RANBP2: variants seen among roughly 807,000 people sequenced by gnomAD.
RANBP2 encodes the protein RAN binding protein 2.
In RANBP2, 57 loss-of-function variants were observed where a neutral mutation model predicts 303.6. The observed-to-expected ratio is 0.19, with a 90% CI of 0.15 to 0.23. The LOEUF is 0.23. Among genes scored for constraint, RANBP2 ranks in the 10% least tolerant of loss-of-function variants. The pLI, the probability that RANBP2 is intolerant of heterozygous loss-of-function variation, is 1.00. For missense variants in RANBP2, 3,138 were observed against 3,780.8 expected, an observed-to-expected ratio of 0.83 and a Z score of 4.46; for synonymous variants, 1,167 against 1,301.5, an observed-to-expected ratio of 0.90 and a Z score of 2.23.
At chr2:109,489,980 T>C in the RANBP2 span, among the ~76,000 whole-genome samples, 4 of 152,314 alleles carry the variant, frequency 2.6e-5, no homozygotes, top group East Asian at 3.9e-4. Context: ...TCAAGTGATC[T>C]GCCCACCTTG....
chr2:109,541,735 G>A, the RANBP2 span, among the ~76,000 whole-genome samples: 3 of 152,198 alleles, frequency 2.0e-5, no homozygotes, highest in South Asian at 4.1e-4. Flanking sequence ...TGGATAAACT[G>A]CTCCAGTCCT....
chr2:109,649,431 T>C, the RANBP2 span, among the ~76,000 whole-genome samples: 1 of 152,112 alleles, frequency 6.6e-6, no homozygotes, highest in South Asian at 2.1e-4. Context: ...AGAGTCTCAC[T>C]CTGTCGCCCA....
rs146136785 is a variant in RANBP2, at chr2:108,764,939, C to G, written c.4400C>G (p.Pro1467Arg). ...TTTGGCCAGGGAGATCTTCCTAAAC[C>G]TATTAACAGTGATTTCAGATCTGTT... ...FKFGQGDLPK[P>R]INSDFRSVFS... The change falls in exon 20 of 29, where the codon CCT becomes CGT. Residue 1467 changes from proline (P) to arginine (R), a missense_variant. Pro to Arg is a moderately radical substitution (Grantham distance 103). Coordinates refer to ENST00000283195, the MANE Select transcript of RANBP2 (RefSeq NM_006267.5). The G allele has an allele frequency of 6.2e-7, 1 of 1,614,000 alleles. No homozygotes were observed. Among genetic ancestry groups the G allele is most frequent in the East Asian group, 2.2e-5 (1 of 44,876 alleles).
At chr2:109,564,208 G>C in the RANBP2 span, 1 of 594,754 alleles carries the variant, frequency 1.7e-6, no homozygotes, top group Non-Finnish European at 2.5e-6. Flanking sequence ...AAGGAGTCAA[G>C]TGATTCAAGA....
the RANBP2 span, among the ~76,000 whole-genome samples, chr2:109,069,585 C>G: frequency 6.6e-6 from 1 of 152,250 alleles, no homozygotes; most frequent in Non-Finnish European, 1.5e-5. Context: ...CCTGGCCAGC[C>G]ACCTGAGACA....
the RANBP2 span, among the ~76,000 whole-genome samples, chr2:109,417,578 C>A: frequency 3.9e-5 from 6 of 152,196 alleles, no homozygotes; most frequent in African/African-American, 9.6e-5. Flanking sequence ...AGCCTCTGGA[C>A]ACCTGGCTCT....
At chr2:108,988,829 G>A in the RANBP2 span, 2 of 152,196 alleles carry the variant, frequency 1.3e-5, no homozygotes, top group Admixed American at 6.5e-5. Context: ...AATCGGTAAA[G>A]CTTGTTCAAA....
chr2:109,706,274 C>T, the RANBP2 span, among the ~76,000 whole-genome samples: 2 of 152,194 alleles, frequency 1.3e-5, no homozygotes, highest in East Asian at 1.9e-4. Context: ...CACGCAGATG[C>T]GGAGCCAAAG....
At chr2:109,196,827 C>T in the RANBP2 span, among the ~76,000 whole-genome samples, 1 of 152,190 alleles carries the variant, frequency 6.6e-6, no homozygotes, top group Non-Finnish European at 1.5e-5. Context: ...CTTTGGGGCA[C>T]AACTCACAGG....
the RANBP2 span, among the ~76,000 whole-genome samples, chr2:109,247,365 GT>G: frequency 6.6e-6 from 1 of 152,178 alleles, no homozygotes; most frequent in Non-Finnish European, 1.5e-5. Context: ...TTCTAGATCA[GT>G]TTACTTCCTA....
At chr2:109,495,562 C>T in the RANBP2 span, among the ~76,000 whole-genome samples, 20 of 144,744 alleles carry the variant, frequency 1.4e-4, no homozygotes, top group Admixed American at 1.1e-3. Context: ...AATCTTGGCC[C>T]ACTGCAACCT....
chr2:109,128,437 G>C, the RANBP2 span: 5 of 152,204 alleles, frequency 3.3e-5, no homozygotes, highest in East Asian at 9.7e-4. Flanking sequence ...GCTGGTCGGC[G>C]GGCAGCGGCG....
the RANBP2 span, among the ~76,000 whole-genome samples, chr2:109,007,114 C>T: frequency 6.6e-6 from 1 of 152,192 alleles, no homozygotes; most frequent in African/African-American, 2.4e-5. Context: ...TGGAAATCAG[C>T]TTTGACGCAT....
chr2:109,236,308 C>G, the RANBP2 span, among the ~76,000 whole-genome samples: 16 of 152,178 alleles, frequency 1.1e-4, no homozygotes, highest in Non-Finnish European at 1.9e-4. Context: ...AGTGTCGGGG[C>G]AGGGGAATAA....
the RANBP2 span, among the ~76,000 whole-genome samples, chr2:109,103,268 G>T: frequency 6.6e-6 from 1 of 152,208 alleles, no homozygotes; most frequent in African/African-American, 2.4e-5. Context: ...TATTTAAGGA[G>T]ATTTATTCTG....
At chr2:109,018,414 C>T in the RANBP2 span, among the ~76,000 whole-genome samples, 202 of 152,280 alleles carry the variant, frequency 1.3e-3, no homozygotes, top group African/African-American at 4.7e-3. Context: ...AATCTACACC[C>T]TACCCTGCAG....
the RANBP2 span, among the ~76,000 whole-genome samples, chr2:109,638,930 C>T: frequency 6.6e-6 from 1 of 152,184 alleles, no homozygotes; most frequent in Non-Finnish European, 1.5e-5. Context: ...GACTTTTCTC[C>T]TACCTCCAGT....
the RANBP2 span, chr2:108,878,515 C>A: frequency 1.4e-5 from 3 of 215,290 alleles, no homozygotes; most frequent in South Asian, 2.4e-4. Flanking sequence ...AGGTCACTGT[C>A]ATCTTACCAT....
the RANBP2 span, among the ~76,000 whole-genome samples, chr2:108,907,143 G>T: frequency 6.6e-6 from 1 of 152,204 alleles, no homozygotes; most frequent in Non-Finnish European, 1.5e-5. Flanking sequence ...ATAAAACCCT[G>T]GGGACAGTTT....
Sources: allele counts gnomAD v4.1 joint callset (sites outside exome capture counted in the v4.1 genomes callset), GRCh38; gene constraint gnomAD v4.1.1; transcripts MANE v1.5; gene names NCBI Gene and HGNC (gene_info 2026-07-23, HGNC 2026-07-21).